VPS53: variants seen among roughly 807,000 people sequenced by gnomAD.
The protein encoded by VPS53 is vacuolar protein sorting-associated protein 53 homolog.
VPS53 carries 70 observed loss-of-function variants against 107.0 expected under a neutral mutation model. That is an observed-to-expected ratio of 0.65 (90% CI 0.54 to 0.80). The LOEUF (loss-of-function observed/expected upper bound fraction) is 0.80, where lower values mean the gene tolerates loss of function less well. Among genes scored for constraint, VPS53 ranks in the 30% least tolerant of loss-of-function variants. The pLI is 0.00. For synonymous variants in VPS53, 409 were observed against 393.3 expected (o/e 1.04, Z -0.47); for missense variants, 917 against 1,049.4 (o/e 0.87, Z 1.74).
chr17:643,324 C>T (rs111385137), intron 7 of VPS53, among the ~76,000 whole-genome samples: 1,388 of 124,926 alleles, frequency 0.011, 45 homozygotes, highest in African/African-American at 0.043. Flanking sequence ...GAGGACAACA[C>T]TCATACTTGG....
rs566091255 is a variant in VPS53 at position 661,432 on chromosome 17, A to T, written c.372+377T>A. 6.6e-5 allele frequency among the ~76,000 whole-genome samples: 10 copies of T among 151,136 alleles called. No individual in the cohort carries two copies. In the South Asian group the frequency reaches 1.3e-3, roughly 19 times the overall value. ...GCTACTTGGGCGGCTGAGGCAGGGG[A>T]ATCGCTTGAACCTGGGAGGCGGAGG... On this transcript the variant is annotated intron_variant, in intron 5 of 21. Transcript: ENST00000437048.
chr17:580,386 C>G (rs1279021970), intron 13 of VPS53, among the ~76,000 whole-genome samples: 1 of 144,230 alleles, frequency 6.9e-6, no homozygotes, highest in Non-Finnish European at 1.5e-5. Context: ...GAACTTCCCT[C>G]AGGACCTCAA....
chr17:703,152 C>CG (rs1218144836), intron 2 of VPS53, among the ~76,000 whole-genome samples: 1 of 151,864 alleles, frequency 6.6e-6, no homozygotes, highest in Non-Finnish European at 1.5e-5. Flanking sequence ...GAGGTTGCAG[C>CG]GAGCCGAGAT....
intron 5 of VPS53, among the ~76,000 whole-genome samples, chr17:656,497 G>A (rs1414208769): frequency 6.6e-6 from 1 of 152,200 alleles, no homozygotes; most frequent in East Asian, 1.9e-4. Context: ...CAGTCTTCAG[G>A]GAGTGAGAAG....
intron 11 of VPS53, among the ~76,000 whole-genome samples, chr17:622,730 T>C (rs1969522631): frequency 1.1e-5 from 1 of 89,212 alleles, no homozygotes; most frequent in South Asian, 3.7e-4. Flanking sequence ...CTTTCTTTTC[T>C]TTTTTTTTAG....
chr17:628,568 G>T (rs998716811), intron 8 of VPS53, among the ~76,000 whole-genome samples: 1 of 152,182 alleles, frequency 6.6e-6, no homozygotes, highest in South Asian at 2.1e-4. Context: ...CTCTGATGTC[G>T]CAAGATGCTG....
Position 655,971 on chromosome 17 carries a change from A to G in VPS53, c.373-18T>C. The G allele has an allele frequency of 1.2e-6, 2 of 1,604,918 alleles. No homozygotes were observed. Among genetic ancestry groups the G allele is most frequent in the Non-Finnish European group, 1.7e-6 (2 of 1,173,338 alleles). On this transcript the variant is annotated intron_variant, in intron 5 of 21. Transcript: ENST00000437048. ...TCTTTCACCTAAACATTGAAAAACC[A>G]CAAGAAAGAAAGGAAGACGGTCAAG...
chr17:657,359 G>T, intron 5 of VPS53: 2 of 768,584 alleles, frequency 2.6e-6, no homozygotes, highest in Non-Finnish European at 4.7e-6. Flanking sequence ...CCGTGCCATC[G>T]ATCTTAATGA....
chr17:590,393 G>A (rs1967576790), intron 12 of VPS53, among the ~76,000 whole-genome samples: 2 of 151,708 alleles, frequency 1.3e-5, no homozygotes, highest in Admixed American at 1.3e-4. Context: ...TAATTGCCCT[G>A]GCCAGAACTT....
intron 2 of VPS53, among the ~76,000 whole-genome samples, chr17:707,446 G>A (rs948541019): frequency 2.0e-5 from 3 of 150,814 alleles, no homozygotes; most frequent in African/African-American, 7.3e-5. Flanking sequence ...CTTGAACCCA[G>A]GAGGCAGAGG....
chr17:529,792 G>A (rs567817925), intron 19 of VPS53, among the ~76,000 whole-genome samples: 57 of 151,442 alleles, frequency 3.8e-4, no homozygotes, highest in African/African-American at 1.3e-3. Context: ...GCCTGTAATC[G>A]CACCACTTTG....
At position 512,780 on chromosome 17, in the gene VPS53, T is replaced by C. The variant is rs991973849; in HGVS notation, c.*6348A>G. 7 of 152,140 alleles carry C rather than the reference T, an allele frequency of 4.6e-5. No individual in the cohort carries two copies. The highest frequency in any genetic ancestry group is 8.8e-5 in the Non-Finnish European group (6 of 68,056). 9.4% of individuals were successfully genotyped at this position (152,140 alleles called of 1,614,324 possible). The stretch of plus-strand genomic sequence containing the variant: ...CTACTAAGGAAACAGGATGGACTCA[T>C]GCGTGCAGGAGAGAAATCACTAAAG... On this transcript the variant is annotated 3_prime_UTR_variant, in exon 22 of 22. Coordinates refer to ENST00000437048, the MANE Select transcript of VPS53 (RefSeq NM_001128159.3).
At chr17:625,696 G>A (rs1364905852) in intron 10 of VPS53, among the ~76,000 whole-genome samples, 2 of 152,168 alleles carry the variant, frequency 1.3e-5, no homozygotes, top group Non-Finnish European at 2.9e-5. Flanking sequence ...CAATTCTGCT[G>A]TGAACCTAAA....
At chr17:639,992 C>T (rs61221260) in intron 7 of VPS53, among the ~76,000 whole-genome samples, 1 of 152,130 alleles carries the variant, frequency 6.6e-6, no homozygotes, top group African/African-American at 2.4e-5. Context: ...TGCCCTGCCC[C>T]CAGAGGTGGA....
At chr17:653,437 T>C (rs2143501057) in intron 6 of VPS53, 27 bp from the exon 7 acceptor site, 1 of 1,613,582 alleles carries the variant, frequency 6.2e-7, no homozygotes, top group Non-Finnish European at 8.5e-7. Flanking sequence ...AGTTTAAAAG[T>C]CTAGAAAAAC....
chr17:579,151 AC>A (rs1966867960), intron 13 of VPS53, among the ~76,000 whole-genome samples: 3 of 146,818 alleles, frequency 2.0e-5, no homozygotes, highest in Non-Finnish European at 1.5e-5. Context: ...TTCCCAGAGA[AC>A]CTCCCTCAGA....
chr17:545,036 A>G (rs1911073880), intron 17 of VPS53, among the ~76,000 whole-genome samples: 1 of 152,188 alleles, frequency 6.6e-6, no homozygotes, highest in South Asian at 2.1e-4. Flanking sequence ...AGCTATGATT[A>G]TGCCACCGCA....
intron 4 of VPS53, among the ~76,000 whole-genome samples, chr17:684,880 C>T (rs1487244978): frequency 6.6e-6 from 1 of 151,872 alleles, no homozygotes; most frequent in Admixed American, 6.6e-5. Flanking sequence ...CCCAGCGACT[C>T]GAGAGATTGA....
At chr17:623,442 CCAATGGAT>C in intron 11 of VPS53, 83 bp downstream of exon 11, 2 of 1,466,674 alleles carry the variant, frequency 1.4e-6, no homozygotes, top group Non-Finnish European at 1.8e-6. Context: ...AGCACCGAAG[CCAATGGAT>C]AGAGTCACCA....
Sources: gnomAD v4.1 joint callset for allele counts (sites outside exome capture counted in the v4.1 genomes callset) on GRCh38, gnomAD v4.1.1 for gene constraint, MANE v1.5 for transcripts, NCBI Gene and HGNC (gene_info 2026-07-23, HGNC 2026-07-21) for gene names.